The following XKR6 variants were observed in gnomAD, a reference collection of about 807,000 sequenced individuals.
The protein encoded by XKR6 is XK related 6, also known as XK-related protein 6.
XKR6 carries 22 observed loss-of-function variants against 56.7 expected under a neutral mutation model. That is an observed-to-expected ratio of 0.39 (90% confidence interval 0.28 to 0.55). The LOEUF (loss-of-function observed/expected upper bound fraction) is 0.55. XKR6 is among the 20% of genes least tolerant of loss of function. The pLI, the probability that XKR6 is intolerant of heterozygous loss-of-function variation, is 0.66. For missense variants in XKR6, 852 were observed against 889.0 expected (o/e 0.96, Z 0.53); for synonymous variants, 524 against 387.8 (o/e 1.35, Z -4.13).
At chr8:11,194,324 TTAA>T (rs1274769737) in intron 1 of XKR6, 1 of 152,244 alleles carries the variant, frequency 6.6e-6, no homozygotes, top group Non-Finnish European at 1.5e-5. Context: ...ACCTGACTTC[TTAA>T]TTCCACCAGT....
intron 1 of XKR6, among the ~76,000 whole-genome samples, chr8:11,002,753 C>A (rs74640115): frequency 1.3e-5 from 2 of 152,182 alleles, no homozygotes; most frequent in Admixed American, 6.5e-5. Context: ...AGACAAGGTG[C>A]GGGCTCAGTG....
chr8:11,167,060 T>C (rs1332315264), intron 1 of XKR6, among the ~76,000 whole-genome samples: 1 of 152,086 alleles, frequency 6.6e-6, no homozygotes, highest in African/African-American at 2.4e-5. Flanking sequence ...GGTTTTTAAA[T>C]GGACTACTGC....
chr8:11,077,267 G>A (rs534932179), intron 1 of XKR6, among the ~76,000 whole-genome samples: 18 of 152,286 alleles, frequency 1.2e-4, no homozygotes, highest in South Asian at 8.3e-4. Flanking sequence ...AAGCCTCAGC[G>A]TGGCCTCTTT....
At chr8:11,156,225 A>C (rs1228224237) in intron 1 of XKR6, among the ~76,000 whole-genome samples, 2 of 152,156 alleles carry the variant, frequency 1.3e-5, no homozygotes, top group Non-Finnish European at 2.9e-5. Flanking sequence ...GCTTCTTTGC[A>C]TAGGCCTTTG....
intron 1 of XKR6, among the ~76,000 whole-genome samples, chr8:11,113,343 G>A (rs1798999837): frequency 6.6e-6 from 1 of 151,930 alleles, no homozygotes; most frequent in South Asian, 2.1e-4. Flanking sequence ...AAAAGGACAT[G>A]GTCCATCAGA....
chr8:10,954,866 CTT>C (rs34248780), intron 1 of XKR6, among the ~76,000 whole-genome samples: 4 of 92,790 alleles, frequency 4.3e-5, no homozygotes, highest in African/African-American at 8.6e-5. Flanking sequence ...ACTTCATTCT[CTT>C]TTTTTTTTTT....
chr8:11,060,032 G>A (rs989076384), intron 1 of XKR6, among the ~76,000 whole-genome samples: 4 of 152,178 alleles, frequency 2.6e-5, no homozygotes, highest in Non-Finnish European at 5.9e-5. Context: ...ATTCATTCCA[G>A]GGAGTAATAA....
At chr8:10,908,142 T>C (rs1329222331) in intron 2 of XKR6, among the ~76,000 whole-genome samples, 1 of 152,196 alleles carries the variant, frequency 6.6e-6, no homozygotes, top group Non-Finnish European at 1.5e-5. Context: ...AGAAGGGATG[T>C]GTGGCCCTGC....
intron 1 of XKR6, among the ~76,000 whole-genome samples, chr8:11,068,186 C>T (rs1002642768): frequency 3.3e-5 from 5 of 152,218 alleles, no homozygotes; most frequent in Non-Finnish European, 7.3e-5. Flanking sequence ...CAGTGGCTGT[C>T]CTCGCCCTCC....
At chr8:10,999,251 T>C (rs1798185778) in intron 1 of XKR6, among the ~76,000 whole-genome samples, 1 of 152,212 alleles carries the variant, frequency 6.6e-6, no homozygotes, top group African/African-American at 2.4e-5. Flanking sequence ...ATATCCAACA[T>C]TAAGGAAATG....
intron 1 of XKR6, among the ~76,000 whole-genome samples, chr8:11,195,375 T>A (rs1300349900): frequency 6.6e-6 from 1 of 152,360 alleles, no homozygotes; most frequent in East Asian, 1.9e-4. Context: ...TGTTAAATAA[T>A]TCTTTTTCTA....
At chr8:11,145,347 C>G (rs1289938389) in intron 1 of XKR6, among the ~76,000 whole-genome samples, 1 of 152,046 alleles carries the variant, frequency 6.6e-6, no homozygotes, top group Admixed American at 6.5e-5. Flanking sequence ...CTAAGTCTCC[C>G]ACAACTAAAG....
At chr8:11,193,473 A>T (rs1388061359) in intron 1 of XKR6, among the ~76,000 whole-genome samples, 1 of 152,216 alleles carries the variant, frequency 6.6e-6, no homozygotes, top group Non-Finnish European at 1.5e-5. Context: ...AATTTTATGT[A>T]GAACTATATT....
chr8:11,146,607 T>C, intron 1 of XKR6, among the ~76,000 whole-genome samples: 1 of 144,116 alleles, frequency 6.9e-6, no homozygotes, highest in African/African-American at 2.6e-5. Context: ...CCTGCCTGTG[T>C]AGAGTGAGAC....
chr8:10,971,590 G>C lies in XKR6; in HGVS notation c.765-46760C>G, dbSNP rs547816495. ...CCTTCCTCTAGGGGAAGAAACTTAG[G>C]CCCAGAGAAGTTGAGCAACTTACCT... On this transcript the variant is annotated intron_variant, in intron 1 of 2. Transcript: ENST00000416569. 5.3e-5 allele frequency among the ~76,000 whole-genome samples: 8 copies of C among 152,134 alleles called. No individual in the cohort carries two copies. The South Asian group carries it at 1.2e-3, about 24-fold the overall frequency.
At chr8:11,093,260 G>A (rs528791479) in intron 1 of XKR6, among the ~76,000 whole-genome samples, 10 of 152,214 alleles carry the variant, frequency 6.6e-5, no homozygotes, top group African/African-American at 1.9e-4. Context: ...TCACCATGTT[G>A]ACCAGGCTAG....
chr8:10,961,866 C>CT (rs371169569), intron 1 of XKR6, among the ~76,000 whole-genome samples: 3 of 152,346 alleles, frequency 2.0e-5, no homozygotes, highest in Non-Finnish European at 4.4e-5. Context: ...GTGAGAGTGG[C>CT]TGGTCCTTCC....
intron 1 of XKR6, among the ~76,000 whole-genome samples, chr8:10,995,941 T>C (rs1246064530): frequency 6.6e-6 from 1 of 152,186 alleles, no homozygotes; most frequent in Non-Finnish European, 1.5e-5. Flanking sequence ...TACTGGCCCA[T>C]GACCTTGGGC....
At chr8:11,103,900 C>T (rs1050372524) in intron 1 of XKR6, among the ~76,000 whole-genome samples, 1 of 152,194 alleles carries the variant, frequency 6.6e-6, no homozygotes, top group African/African-American at 2.4e-5. Context: ...ATTTTAATGG[C>T]AAAGTAATGC....
Sources: gnomAD v4.1 joint callset for allele counts (sites outside exome capture counted in the v4.1 genomes callset) on GRCh38, gnomAD v4.1.1 for gene constraint, MANE v1.5 for transcripts, NCBI Gene and HGNC (gene_info 2026-07-23, HGNC 2026-07-21) for gene names.